The following SEMA4G variants were observed in gnomAD, a reference collection of about 807,000 sequenced individuals.
SEMA4G encodes semaphorin 4G.
A neutral mutation model predicts 81.2 loss-of-function variants in SEMA4G; 59 were observed. That is an observed-to-expected ratio of 0.73 (90% CI 0.59 to 0.90). The LOEUF (loss-of-function observed/expected upper bound fraction) is 0.90. Among genes scored for constraint, SEMA4G ranks in the 40% least tolerant of loss-of-function variants. The probability of loss-of-function intolerance (pLI) is 0.00; values close to 1 mark genes in which losing one functional copy is unlikely to be tolerated. For missense variants in SEMA4G, 952 were observed against 1,102.3 expected, an observed-to-expected ratio of 0.86 and a Z score of 1.93; for synonymous variants, 404 against 433.9, an observed-to-expected ratio of 0.93 and a Z score of 0.86.
Position 100,978,650 on chromosome 10 carries a change from A to G in SEMA4G, c.643+10A>G. ...ATGCATTGGCTCAATGGTTAGGAGG[A>G]TGAGGCACAGGATGATGGGGGGTAG... is the stretch of plus-strand genomic sequence containing the variant. On this transcript the variant is annotated intron_variant, in intron 6 of 13. Transcript: ENST00000370250. 1 of 1,610,382 alleles carries G rather than the reference A, an allele frequency of 6.2e-7. No individual in the cohort carries two copies. Among genetic ancestry groups the G allele is most frequent in the African/African-American group, 1.3e-5 (1 of 74,942 alleles).
At chr10:100,979,725 A>G in intron 8 of SEMA4G, 123 bp from the exon 10 acceptor site, 1 of 1,084,514 alleles carries the variant, frequency 9.2e-7, no homozygotes, top group Non-Finnish European at 1.4e-6. Context: ...GACTCACAGG[A>G]GAGGCCCTGT....
rs547371500 is a variant in SEMA4G at position 100,984,472 on chromosome 10, C to T, written c.*341C>T. ...TCCTGTTCCATTCATCTGCCCAAACCCTTTCTCTTTCTCCCAGGCAGGGCT... is the reference window on the plus strand; with the variant it reads ...TCCTGTTCCATTCATCTGCCCAAACTCTTTCTCTTTCTCCCAGGCAGGGCT... On this transcript the variant is annotated 3_prime_UTR_variant, in exon 14 of 14. Coordinates refer to ENST00000370250, the Ensembl canonical transcript of SEMA4G. 4.6e-5 allele frequency: 70 copies of T among 1,529,644 alleles called. No homozygotes were observed. The South Asian group carries it at 7.9e-4, about 17-fold the overall frequency. 94.8% of individuals were successfully genotyped at this position (1,529,644 alleles called of 1,614,324 possible). A position where few individuals can be genotyped will look rare whatever the true frequency, so the allele number is the denominator to read the frequency against.
chr10:100,983,360 G>A (rs779730408), exon 14 of SEMA4G: 15 of 1,603,440 alleles, frequency 9.4e-6, no homozygotes, highest in African/African-American at 1.3e-5. Flanking sequence ...ATGTCCTCCT[G>A]CCCTGTGACC....
At position 100,973,178 on chromosome 10, in the gene SEMA4G, A is replaced by T. The variant is rs1284517077; in HGVS notation, c.174A>T (p.Thr58=). Residue 58 remains threonine, a synonymous_variant, in exon 2 of 14, where the codon ACA becomes ACT. Coordinates refer to ENST00000370250, the Ensembl canonical transcript of SEMA4G. The surrounding 1 kb of genome is among the most constrained non-coding windows in gnomAD (Gnocchi z 5.5). Reference sequence around the variant, plus strand: ...AGGGCCAAGCCCAGAACTACTCAACACTGCTGCTGGAGGAGGCCTCAGCAA... The same window carrying T: ...AGGGCCAAGCCCAGAACTACTCAACTCTGCTGCTGGAGGAGGCCTCAGCAA... 2.5e-6 allele frequency: 4 copies of T among 1,613,514 alleles called. No homozygotes were observed. Among genetic ancestry groups the T allele is most frequent in the Non-Finnish European group, 3.4e-6 (4 of 1,179,960 alleles).
chr10:100,984,976 C>A, downstream of SEMA4G: 1 of 1,372,888 alleles, frequency 7.3e-7, no homozygotes, highest in Non-Finnish European at 9.6e-7. Flanking sequence ...CATTTCCACT[C>A]ACATGCACCT....
chr10:100,981,264 C>T, intron 13 of SEMA4G, 35 bp downstream of exon 14: 1 of 1,608,534 alleles, frequency 6.2e-7, no homozygotes, highest in Non-Finnish European at 8.5e-7. Flanking sequence ...TCTAGCTACG[C>T]AGACTGTCCT....
At chr10:100,978,434 G>A (rs1850895928) in intron 5 of SEMA4G, 46 bp downstream of exon 6, 2 of 1,603,182 alleles carry the variant, frequency 1.2e-6, no homozygotes, top group Middle Eastern at 1.7e-4. Flanking sequence ...TTTTTAGGAT[G>A]TGGATCTCAT....
chr10:100,974,412 A>G (rs78376647), intron 3 of SEMA4G, among the ~76,000 whole-genome samples: 1 of 152,112 alleles, frequency 6.6e-6, no homozygotes, highest in African/African-American at 2.4e-5. Flanking sequence ...TGCGTGAGCT[A>G]TAATTAAGCC....
chr10:100,980,145 C>T (rs1850994826), exon 10 of SEMA4G: 2 of 1,614,108 alleles, frequency 1.2e-6, no homozygotes, highest in Non-Finnish European at 1.7e-6. Flanking sequence ...CATTGCGCAG[C>T]CAAGGCTACA....
exon 12 of SEMA4G, chr10:100,980,909 T>C (rs748411182): frequency 2.0e-5 from 32 of 1,612,498 alleles, no homozygotes; most frequent in Non-Finnish European, 2.6e-5. Context: ...TGACTGCATC[T>C]TGGCCCGAGA....
At chr10:100,984,325 T>C in exon 14 of SEMA4G, 1 of 1,439,804 alleles carries the variant, frequency 6.9e-7, no homozygotes, top group Non-Finnish European at 9.1e-7. Flanking sequence ...GACCCACATG[T>C]GAGCAGCCCA....
intron 3 of SEMA4G, 123 bp from the exon 5 acceptor site, chr10:100,977,509 G>C: frequency 1.3e-6 from 1 of 755,664 alleles, no homozygotes; most frequent in Non-Finnish European, 2.4e-6. Context: ...AAGGATCACA[G>C]GTATCTTGGA....
Position 100,981,235 on chromosome 10 carries a change from T to G in SEMA4G, c.1690+6T>G. 6.2e-7 allele frequency: 1 copy of G among 1,614,074 alleles called. No individual in the cohort carries two copies. The highest frequency in any genetic ancestry group is 8.5e-7 in the Non-Finnish European group (1 of 1,179,888). ...TGAGAGCAGCAGGGATACAGGTAAGTGACTCATATGAGTGTGGGTCTAGCT... is the reference window on the plus strand; with the variant it reads ...TGAGAGCAGCAGGGATACAGGTAAGGGACTCATATGAGTGTGGGTCTAGCT... On this transcript the variant is annotated splice_donor_region_variant and intron_variant, in intron 13 of 13. Coordinates refer to ENST00000370250, the Ensembl canonical transcript of SEMA4G.
chr10:100,980,301 C>T, exon 10 of SEMA4G: 1 of 1,614,242 alleles, frequency 6.2e-7, no homozygotes, highest in Non-Finnish European at 8.5e-7. Context: ...CACCTGTCAC[C>T]ACGCCTGCTG....
chr10:100,983,417 G>C, exon 14 of SEMA4G: 1 of 1,613,148 alleles, frequency 6.2e-7, no homozygotes, highest in Non-Finnish European at 8.5e-7. Flanking sequence ...ATGGGAGCAT[G>C]GGCCTGAGCG....
exon 14 of SEMA4G, chr10:100,984,646 A>G (rs1851334603): frequency 1.3e-6 from 2 of 1,536,100 alleles, no homozygotes; most frequent in African/African-American, 1.4e-5. Flanking sequence ...GCTGGGCTGC[A>G]GTGCCCCCAC....
chr10:100,975,668 C>T (rs888145541), intron 3 of SEMA4G, among the ~76,000 whole-genome samples: 2 of 152,122 alleles, frequency 1.3e-5, no homozygotes, highest in African/African-American at 2.4e-5. Flanking sequence ...CCAGCCTGGC[C>T]AACATGGTGA....
At chr10:100,980,649 A>T (rs1384559788) in exon 11 of SEMA4G, 1 of 1,614,090 alleles carries the variant, frequency 6.2e-7, no homozygotes, top group Non-Finnish European at 8.5e-7. Context: ...ACAAGTGTTC[A>T]GGGAGTCCCA....
chr10:100,983,743 G>C, exon 14 of SEMA4G: 1 of 1,613,114 alleles, frequency 6.2e-7, no homozygotes, highest in Non-Finnish European at 8.5e-7. Flanking sequence ...GGGCGCCGAC[G>C]GAAATACTCA....
Sources: gnomAD v4.1 joint callset for allele counts (sites outside exome capture counted in the v4.1 genomes callset) on GRCh38, gnomAD v4.1.1 for gene constraint, Gnocchi (gnomAD v3.1) non-coding constraint, MANE v1.5 for transcripts, NCBI Gene and HGNC (gene_info 2026-07-23, HGNC 2026-07-21) for gene names.